The following DAB1 variants were observed in gnomAD, a reference collection of about 807,000 sequenced individuals.
DAB1 encodes disabled homolog 1.
In DAB1, 15 loss-of-function variants were observed where a neutral mutation model predicts 64.6. That is an observed-to-expected ratio of 0.23 (90% confidence interval 0.16 to 0.36). The LOEUF (loss-of-function observed/expected upper bound fraction) is 0.36. DAB1 is among the 10% of genes least tolerant of loss of function. DAB1 has a pLI of 1.00. For missense variants in DAB1, 596 were observed against 706.7 expected (o/e 0.84, Z 1.78); for synonymous variants, 235 against 251.9 (o/e 0.93, Z 0.64).
intron 7 of DAB1, among the ~76,000 whole-genome samples, chr1:57,439,865 A>G (rs1570521237): frequency 6.6e-6 from 1 of 152,178 alleles, no homozygotes; most frequent in East Asian, 1.9e-4. Context: ...GTGCCTTTCA[A>G]TAAACATGGT....
intron 6 of DAB1, among the ~76,000 whole-genome samples, chr1:57,657,186 A>T (rs1646329109): frequency 1.3e-5 from 2 of 152,122 alleles, no homozygotes; most frequent in Non-Finnish European, 2.9e-5. Flanking sequence ...AATCATCAAC[A>T]CATGAGGACT....
chr1:58,336,930 T>C (rs1224621896), intron 4 of DAB1, among the ~76,000 whole-genome samples: 1 of 152,078 alleles, frequency 6.6e-6, no homozygotes, highest in African/African-American at 2.4e-5. Context: ...ATGCAGTGCC[T>C]AAAACTTGGA....
chr1:58,482,674 G>C (rs1036051984), intron 3 of DAB1, among the ~76,000 whole-genome samples: 3 of 152,156 alleles, frequency 2.0e-5, no homozygotes, highest in African/African-American at 7.2e-5. Flanking sequence ...ATAGGATAAT[G>C]ACTTTGGGGG....
chr1:57,541,803 A>G (rs1211726651), intron 7 of DAB1, among the ~76,000 whole-genome samples: 2 of 152,232 alleles, frequency 1.3e-5, no homozygotes, highest in African/African-American at 4.8e-5. Context: ...AGTCTTACTA[A>G]TTCTTGCCAA....
chr1:58,534,238 T>C lies in DAB1; in HGVS notation n.33-6903A>G, dbSNP rs185273470. The C allele has an allele frequency of 3.4e-5, 30 of 872,056 alleles. No homozygotes were observed. In the Admixed American group the frequency reaches 5.1e-4, roughly 15 times the overall value. The allele number at this position is 872,056 out of a possible 1,614,324, so 54.0% of individuals were successfully genotyped here. A position where few individuals can be genotyped will look rare whatever the true frequency, so the allele number is the denominator to read the frequency against. Reference sequence around the variant, plus strand: ...ATCTGAGAGATCCCTGGAACATCTTTATTGCATTCAATTAGATGACAAAGC... The same window carrying C: ...ATCTGAGAGATCCCTGGAACATCTTCATTGCATTCAATTAGATGACAAAGC... On this transcript the variant is annotated intron_variant and non_coding_transcript_variant, in intron 1 of 20. Transcript: ENST00000485760.
intron 1 of DAB1, among the ~76,000 whole-genome samples, chr1:57,296,408 C>T (rs908755991): frequency 6.6e-6 from 1 of 152,054 alleles, no homozygotes; most frequent in African/African-American, 2.4e-5. Flanking sequence ...ATAACTAATA[C>T]TTAGATTTTG....
At chr1:57,373,391 A>G (rs1680651125) in intron 1 of DAB1, among the ~76,000 whole-genome samples, 1 of 152,126 alleles carries the variant, frequency 6.6e-6, no homozygotes. Flanking sequence ...AAAGTTCTCT[A>G]GAAGAAAGAA....
At chr1:57,415,146 CA>C (rs1157178478) in intron 1 of DAB1, among the ~76,000 whole-genome samples, 1 of 151,708 alleles carries the variant, frequency 6.6e-6, no homozygotes, top group Non-Finnish European at 1.5e-5. Context: ...TTGGTTAGGG[CA>C]AAAGAGTGGC....
intron 1 of DAB1, among the ~76,000 whole-genome samples, chr1:57,391,606 C>T (rs934688747): frequency 9.2e-5 from 14 of 152,104 alleles, no homozygotes; most frequent in Non-Finnish European, 2.1e-4. Context: ...CTACTACATG[C>T]AGATATATTC....
chr1:57,931,262 G>A (rs768682617), intron 5 of DAB1, among the ~76,000 whole-genome samples: 4 of 152,104 alleles, frequency 2.6e-5, no homozygotes, highest in Non-Finnish European at 4.4e-5. Context: ...CTAATATTTT[G>A]TTGAGGATTT....
intron 3 of DAB1, among the ~76,000 whole-genome samples, chr1:58,476,061 C>G (rs539803457): frequency 6.6e-6 from 1 of 152,004 alleles, no homozygotes. Context: ...AAGAAAAAAA[C>G]AAATCTGATT....
At chr1:58,402,616 A>G (rs1053057612) in intron 3 of DAB1, among the ~76,000 whole-genome samples, 37 of 151,980 alleles carry the variant, frequency 2.4e-4, no homozygotes, top group Non-Finnish European at 2.8e-4. Flanking sequence ...TGTTCAATGA[A>G]TAATTGAAGG....
At chr1:57,751,115 A>G (rs1332547376) in intron 6 of DAB1, among the ~76,000 whole-genome samples, 1 of 152,170 alleles carries the variant, frequency 6.6e-6, no homozygotes, top group African/African-American at 2.4e-5. Context: ...TACACAATCC[A>G]AAGGTTGATC....
In DAB1 at chr1:57,635,411, G is replaced by C. The variant is rs1646040231; in HGVS notation, n.625+14181C>G. Among the ~76,000 whole-genome samples, 3 of 152,096 alleles carry C rather than the reference G, an allele frequency of 2.0e-5. No individual in the cohort carries two copies. The South Asian group carries it at 6.2e-4, about 32-fold the overall frequency. ...CCCCATCGCTTGCGTTACTGCCTGAGCTCCGCCTCCTATCAGATCAGCTAT... is the reference window on the plus strand; with the variant it reads ...CCCCATCGCTTGCGTTACTGCCTGACCTCCGCCTCCTATCAGATCAGCTAT... On this transcript the variant is annotated intron_variant and non_coding_transcript_variant, in intron 7 of 20. Transcript: ENST00000485760.
At chr1:57,088,877 C>T (rs1049716315) in intron 4 of DAB1, among the ~76,000 whole-genome samples, 25 of 152,338 alleles carry the variant, frequency 1.6e-4, no homozygotes, top group Non-Finnish European at 2.8e-4. Flanking sequence ...ATGCAGGCCC[C>T]GGCTTTAAGT....
chr1:57,932,125 G>A lies in DAB1; in HGVS notation n.388-47963C>T, dbSNP rs59071564. On this transcript the variant is annotated intron_variant and non_coding_transcript_variant, in intron 5 of 20. Coordinates refer to the DAB1 transcript ENST00000485760. ...GACTCGTGTTATTTAGAAGTGTGTT[G>A]TTTAATCTCCATGTATTTTCAGTTT... is the stretch of plus-strand genomic sequence containing the variant. 2.2e-3 allele frequency among the ~76,000 whole-genome samples: 333 copies of A among 152,152 alleles called. 1 individual carries two copies. The highest frequency in any genetic ancestry group is 7.7e-3 in the African/African-American group (318 of 41,536).
intron 9 of DAB1, among the ~76,000 whole-genome samples, chr1:57,056,149 T>C (rs1649731880): frequency 6.6e-6 from 1 of 152,024 alleles, no homozygotes; most frequent in African/African-American, 2.4e-5. Context: ...GTTGTTCTGA[T>C]GCCAAAGCCC....
intron 7 of DAB1, among the ~76,000 whole-genome samples, chr1:57,459,132 T>C (rs1451603307): frequency 6.6e-6 from 1 of 152,172 alleles, no homozygotes; most frequent in Admixed American, 6.5e-5. Flanking sequence ...TTGTGTTCTC[T>C]TTCAATCAAT....
chr1:57,569,041 G>A (rs1406719393), intron 7 of DAB1, among the ~76,000 whole-genome samples: 3 of 151,346 alleles, frequency 2.0e-5, no homozygotes, highest in East Asian at 1.9e-4. Context: ...GGCGGATCAC[G>A]AGGTCAGGAG....
Sources: allele counts gnomAD v4.1 joint callset (sites outside exome capture counted in the v4.1 genomes callset), GRCh38; gene constraint gnomAD v4.1.1; transcripts MANE v1.5; gene names NCBI Gene and HGNC (gene_info 2026-07-23, HGNC 2026-07-21).